The following FGD1 variants were observed in gnomAD, a reference collection of about 807,000 sequenced individuals.
The protein encoded by FGD1 is FYVE, RhoGEF and PH domain-containing protein 1.
FGD1 carries 12 observed loss-of-function variants against 65.0 expected under a neutral mutation model. That is an observed-to-expected ratio of 0.18 (90% CI 0.12 to 0.30). The LOEUF is 0.30. FGD1 is among the 10% of genes least tolerant of loss of function. The pLI is 1.00. For missense variants in FGD1, 542 were observed against 837.6 expected (o/e 0.65, Z 4.36); for synonymous variants, 333 against 343.9 (o/e 0.97, Z 0.35).
intron 8 of FGD1, among the ~76,000 whole-genome samples, chrX:54,459,127 A>G (rs1321880022): frequency 9.0e-6 from 1 of 111,416 alleles, no homozygotes; most frequent in East Asian, 2.8e-4. Context: ...CACCCAGGGA[A>G]GGGGATAGGA....
intron 12 of FGD1, 103 bp from the exon 13 acceptor site, chrX:54,450,404 T>C: frequency 1.3e-6 from 1 of 776,111 alleles, no homozygotes; most frequent in East Asian, 3.2e-5. Flanking sequence ...GACCTGGGCT[T>C]GACCCTCTTC....
chrX:54,458,005 AAGTCGTGTTTTCCT>A (rs1014694419), intron 8 of FGD1, among the ~76,000 whole-genome samples: 1 of 111,764 alleles, frequency 8.9e-6, no homozygotes, highest in South Asian at 3.7e-4. Flanking sequence ...CTGGCCAACC[AAGTCGTGTTTTCCT>A]AAGAGGCTCT....
Position 54,463,729 on chromosome X carries a change from C to T in FGD1, c.1636+1722G>A, listed in dbSNP as rs1922691973. Among the ~76,000 whole-genome samples the T allele has an allele frequency of 6.3e-5, 7 of 111,483 alleles. No individual in the cohort carries two copies. The South Asian group carries it at 2.6e-3, about 42-fold the overall frequency. ...GCAACCTGTCCAGCACCCCACCTCC[C>T]CTAATATCTCCCCTTGCCTTGGACC... On this transcript the variant is annotated intron_variant, in intron 8 of 17. Transcript: ENST00000375135.
intron 2 of FGD1, 123 bp downstream of exon 2, chrX:54,471,191 G>T: frequency 1.3e-6 from 1 of 772,975 alleles, no homozygotes; most frequent in Non-Finnish European, 1.9e-6. Flanking sequence ...AGGTAGCACT[G>T]CCCTGGGAGC....
intron 1 of FGD1, among the ~76,000 whole-genome samples, chrX:54,476,845 T>A (rs1923030759): frequency 9.2e-6 from 1 of 109,137 alleles, no homozygotes; most frequent in East Asian, 2.9e-4. Flanking sequence ...ATCTTTCTTA[T>A]TTTTTATTTT....
chrX:54,457,549 T>A (rs2027857), intron 8 of FGD1, among the ~76,000 whole-genome samples: 10,028 of 111,657 alleles, frequency 0.09, 604 homozygotes, highest in East Asian at 0.48. Flanking sequence ...AATGGAACAT[T>A]AAACAACCTT....
chrX:54,447,580 G>A (rs1352730051), intron 16 of FGD1, 126 bp from the exon 17 acceptor site: 2 of 745,933 alleles, frequency 2.7e-6, no homozygotes, highest in Non-Finnish European at 4.0e-6. Context: ...AGCTCAGGTG[G>A]CAGGAGTGAT....
chrX:54,495,619 C>T lies in FGD1; in HGVS notation c.-187G>A, dbSNP rs1923521077. The T allele has an allele frequency of 4.3e-6, 1 of 230,976 alleles. No homozygotes were observed. Among genetic ancestry groups the T allele is most frequent in the East Asian group, 7.3e-5 (1 of 13,633 alleles). The allele number at this position is 230,976 out of a possible 1,213,427, so 19.0% of individuals were successfully genotyped here. On this transcript the variant is annotated 5_prime_UTR_variant, in exon 1 of 18. Coordinates refer to ENST00000375135, the MANE Select transcript of FGD1 (RefSeq NM_004463.3). ...GGGCCCGGGCCAGCAGCCGTGGCAG[C>T]GGTGGCAGTAGCAGCAGCAGCAGCC...
Position 54,495,399 on chromosome X carries a change from G to A in FGD1, c.34C>T (p.Pro12Ser). The part of the protein sequence containing the change: ...HGHRAPGGAG[P>S]SEPEHPATNP... ...GTGGCCGGGTGTTCGGGCTCCGAAGGCCCGGCGCCCCCCGGGGCTCGGTGG... is the reference window on the plus strand; with the variant it reads ...GTGGCCGGGTGTTCGGGCTCCGAAGACCCGGCGCCCCCCGGGGCTCGGTGG... Residue 12 changes from proline to serine, a missense_variant, in exon 1 of 18, where the codon CCT (proline) becomes TCT (serine). This residue lies in a region of FGD1 where 297 missense variants were observed against 326.8 expected (regional missense o/e 0.91). Coordinates refer to ENST00000375135, the MANE Select transcript of FGD1 (RefSeq NM_004463.3). 9.0e-7 allele frequency: 1 copy of A among 1,105,394 alleles called. No homozygotes were observed. The allele number at this position is 1,105,394 out of a possible 1,213,427, so 91.1% of individuals were successfully genotyped here.
chrX:54,475,009 C>A (rs773772734), intron 1 of FGD1, among the ~76,000 whole-genome samples: 8 of 112,381 alleles, frequency 7.1e-5, no homozygotes, highest in Admixed American at 6.6e-4. Context: ...TGCTCTCCTT[C>A]TCCTCCAGTG....
Position 54,469,207 on chromosome X carries a change from T to C in FGD1, c.1102-331A>G, listed in dbSNP as rs1922827096. ...GGGTTCAAATCCTAAGCTCTGCCATTCACTAGCTTGTGTAAGTTCTTTAAC... is the reference window on the plus strand; with the variant it reads ...GGGTTCAAATCCTAAGCTCTGCCATCCACTAGCTTGTGTAAGTTCTTTAAC... On this transcript the variant is annotated intron_variant, in intron 4 of 17. Transcript: ENST00000375135. Among the ~76,000 whole-genome samples, 4 of 112,057 alleles carry C rather than the reference T, an allele frequency of 3.6e-5. No homozygotes were observed. In the South Asian group the frequency reaches 1.5e-3, roughly 42 times the overall value.
chrX:54,476,268 C>A (rs1923015513), intron 1 of FGD1, among the ~76,000 whole-genome samples: 1 of 109,955 alleles, frequency 9.1e-6, no homozygotes, highest in Admixed American at 9.7e-5. Context: ...CCAGGGTAGG[C>A]CCCCCTCCTC....
At position 54,495,322 on chromosome X, in the gene FGD1, G is replaced by A; in HGVS notation, c.111C>T (p.Ala37=). ...PPACADSDPG[A]SEPGLLARRG... is the part of the protein sequence containing the mutation. ...TGCGCGCCAGCAGTCCGGGTTCCGAGGCTCCAGGGTCCGAGTCGGCACAGG... is the reference window on the plus strand; with the variant it reads ...TGCGCGCCAGCAGTCCGGGTTCCGAAGCTCCAGGGTCCGAGTCGGCACAGG... The change falls in exon 1 of 18, where the codon GCC becomes GCT. Residue 37 remains alanine, a synonymous_variant. Transcript: ENST00000375135. The A allele has an allele frequency of 8.5e-7, 1 of 1,170,153 alleles. No homozygotes were observed. Among genetic ancestry groups the A allele is most frequent in the Non-Finnish European group, 1.1e-6 (1 of 876,767 alleles).
chrX:54,495,542 G>T lies in FGD1; in HGVS notation c.-110C>A. ...CGGCGGAGCAGCGGCCTCAGGATCG[G>T]GGGGCGGGACTGCGGGCTCAGCCCC... On this transcript the variant is annotated 5_prime_UTR_variant, in exon 1 of 18. Transcript: ENST00000375135. 3.8e-6 allele frequency: 2 copies of T among 526,205 alleles called. No homozygotes were observed. Among genetic ancestry groups the T allele is most frequent in the Non-Finnish European group, 5.1e-6 (2 of 389,295 alleles). The allele number at this position is 526,205 out of a possible 1,213,427, so 43.4% of individuals were successfully genotyped here. A position where few individuals can be genotyped will look rare whatever the true frequency, so the allele number is the denominator to read the frequency against.
chrX:54,448,802 T>C lies in FGD1; in HGVS notation c.2436+4A>G, dbSNP rs770514575. ...GGGAGAGTTAGTCAGGGGCTGGCTCTTACCTCCAGGATGGACCTCCGGCGC... is the reference window on the plus strand; with the variant it reads ...GGGAGAGTTAGTCAGGGGCTGGCTCCTACCTCCAGGATGGACCTCCGGCGC... On this transcript the variant is annotated splice_donor_region_variant and intron_variant, in intron 16 of 17. Transcript: ENST00000375135. The C allele has an allele frequency of 3.3e-6, 4 of 1,211,159 alleles. No individual in the cohort carries two copies. In the Admixed American group the frequency reaches 8.7e-5, roughly 26 times the overall value.
chrX:54,491,032 A>T (rs2147446706), intron 1 of FGD1, among the ~76,000 whole-genome samples: 1 of 110,897 alleles, frequency 9.0e-6, no homozygotes, highest in Non-Finnish European at 1.9e-5. Flanking sequence ...CCGTCTGAGC[A>T]TGTCATTCTC....
At chrX:54,478,333 G>A (rs1421067480) in intron 1 of FGD1, among the ~76,000 whole-genome samples, 1 of 110,663 alleles carries the variant, frequency 9.0e-6, no homozygotes, top group Non-Finnish European at 1.9e-5. Flanking sequence ...TTTCTGCCAT[G>A]GGCATCTGAA....
rs777656772 is a variant in FGD1 at position 54,446,156 on chromosome X, C to T, written c.2839G>A (p.Ala947Thr). The change falls in exon 18 of 18, where the codon GCC becomes ACC. Residue 947 changes from alanine (A) to threonine (T), a missense_variant. Ala to Thr is a moderately conservative substitution (Grantham distance 58). Coordinates refer to ENST00000375135, the MANE Select transcript of FGD1 (RefSeq NM_004463.3). Reference sequence around the variant, plus strand: ...GGGGATTCGGGGGGTTCAGCAGTGGCTCCTAAAGCAGCCACCGGTGCCTCC... The same window carrying T: ...GGGGATTCGGGGGGTTCAGCAGTGGTTCCTAAAGCAGCCACCGGTGCCTCC... The part of the protein sequence containing the change: ...MEEAPVAALG[A>T]TAEPPESPQT... The T allele has an allele frequency of 8.3e-7, 1 of 1,211,103 alleles. No homozygotes were observed.
Position 54,447,471 on chromosome X carries a change from C to T in FGD1, c.2437-17G>A, listed in dbSNP as rs750474296. 2.2e-5 allele frequency: 26 copies of T among 1,204,332 alleles called. No individual in the cohort carries two copies. The East Asian group carries it at 3.0e-4, about 14-fold the overall frequency. On this transcript the variant is annotated splice_polypyrimidine_tract_variant and intron_variant, in intron 16 of 17. Transcript: ENST00000375135. ...GGCCTGTTTCTGTGGCCAGAGACAC[C>T]GGGCATCAATGTTGACAGAAGGCCT...
Sources: allele counts gnomAD v4.1 joint callset (sites outside exome capture counted in the v4.1 genomes callset), GRCh38; gene constraint gnomAD v4.1.1; regional missense constraint gnomAD v4.1.1; transcripts MANE v1.5; gene names NCBI Gene and HGNC (gene_info 2026-07-23, HGNC 2026-07-21).